The following GPR107 variants were observed in gnomAD, a reference collection of about 807,000 sequenced individuals.
The protein encoded by GPR107 is G protein-coupled receptor 107.
A neutral mutation model predicts 75.5 loss-of-function variants in GPR107; 31 were observed. That is an observed-to-expected ratio of 0.41 (90% CI 0.31 to 0.55). GPR107 has a LOEUF of 0.55. GPR107 is among the 20% of genes least tolerant of loss of function. The pLI, the probability that GPR107 is intolerant of heterozygous loss-of-function variation, is 0.26. For synonymous variants in GPR107, 267 were observed against 251.3 expected (o/e 1.06, Z -0.59); for missense variants, 572 against 665.7 (o/e 0.86, Z 1.55).
chr9:130,095,795 C>A (rs1349120438), intron 9 of GPR107, among the ~76,000 whole-genome samples: 1 of 152,118 alleles, frequency 6.6e-6, no homozygotes, highest in Non-Finnish European at 1.5e-5. Context: ...GGGGGAAGGT[C>A]AGTTAAGTCC....
intron 14 of GPR107, chr9:130,110,275 C>T: frequency 1.3e-6 from 1 of 746,630 alleles, no homozygotes; most frequent in Non-Finnish European, 2.4e-6. Context: ...TCAGCGTTGT[C>T]CCCCAGCATC....
chr9:130,078,240 C>T lies in GPR107; in HGVS notation c.386+862C>T, dbSNP rs75140689. 5.8e-3 allele frequency among the ~76,000 whole-genome samples: 878 copies of T among 152,112 alleles called. 10 individuals are homozygous for T. Among genetic ancestry groups the T allele is most frequent in the Middle Eastern group, 0.017 (5 of 294 alleles). ...TTCAAGTTCAGCATACTTCCAACTG[C>T]GTACTTTGTAATTGCTGAGGGAGCC... On this transcript the variant is annotated intron_variant, in intron 4 of 17. Coordinates refer to ENST00000347136, the MANE Select transcript of GPR107 (RefSeq NM_020960.5).
intron 14 of GPR107, among the ~76,000 whole-genome samples, chr9:130,109,726 C>T (rs917632500): frequency 6.6e-6 from 1 of 151,952 alleles, no homozygotes; most frequent in African/African-American, 2.4e-5. Flanking sequence ...CCCACCACCA[C>T]ACCCAGCTAA....
intron 11 of GPR107, 54 bp from the exon 12 acceptor site, chr9:130,101,052 G>A (rs1831017808): frequency 1.0e-6 from 1 of 969,926 alleles, no homozygotes; most frequent in South Asian, 1.3e-5. Flanking sequence ...AATCTAACTG[G>A]CAGTGAGAGT....
At chr9:130,069,981 C>T (rs950338870) in intron 1 of GPR107, among the ~76,000 whole-genome samples, 2 of 84,030 alleles carry the variant, frequency 2.4e-5, no homozygotes, top group African/African-American at 9.5e-5. Context: ...CCGTGCCTGG[C>T]CTCTTTTTTT....
intron 14 of GPR107, among the ~76,000 whole-genome samples, chr9:130,118,499 A>T (rs932812851): frequency 1.3e-5 from 2 of 152,020 alleles, no homozygotes; most frequent in Non-Finnish European, 2.9e-5. Context: ...TTCCTGCCTC[A>T]GTGGGCACTT....
chr9:130,110,421 G>A lies in GPR107; in HGVS notation c.1306+2882G>A, dbSNP rs868014875. The A allele has an allele frequency of 4.2e-5, 63 of 1,489,886 alleles. 1 individual carries two copies. In the Admixed American group the frequency reaches 1.0e-3, roughly 25 times the overall value. The allele number at this position is 1,489,886 out of a possible 1,614,324, so 92.3% of individuals were successfully genotyped here. A position where few individuals can be genotyped will look rare whatever the true frequency, so the allele number is the denominator to read the frequency against. On this transcript the variant is annotated intron_variant, in intron 14 of 17. Coordinates refer to ENST00000347136, the MANE Select transcript of GPR107 (RefSeq NM_020960.5). ...AGAGCGAATCTAAGAGCAGGAAGTC[G>A]CATAGGTAAACCAGGGTTCACATTC...
intron 7 of GPR107, among the ~76,000 whole-genome samples, chr9:130,089,459 G>A (rs1456196542): frequency 6.6e-6 from 1 of 152,178 alleles, no homozygotes; most frequent in Non-Finnish European, 1.5e-5. Context: ...CTTGGATGGT[G>A]CAGTCCACTC....
intron 1 of GPR107, among the ~76,000 whole-genome samples, chr9:130,074,943 G>A (rs1369482721): frequency 2.0e-5 from 3 of 150,382 alleles, no homozygotes; most frequent in Non-Finnish European, 4.4e-5. Flanking sequence ...GCCAGGCATT[G>A]TACTATCAGG....
chr9:130,077,529 G>C lies in GPR107; in HGVS notation c.386+151G>C, dbSNP rs1440701345. 6.6e-6 allele frequency: 4 copies of C among 609,484 alleles called. No homozygotes were observed. The Admixed American group carries it at 1.1e-4, about 17-fold the overall frequency. 37.8% of individuals were successfully genotyped at this position (609,484 alleles called of 1,614,324 possible). On this transcript the variant is annotated intron_variant, in intron 4 of 17. Coordinates refer to ENST00000347136, the MANE Select transcript of GPR107 (RefSeq NM_020960.5). ...ACAAGGCTAGGGAGACAGAGGTCCTGTCCTTGATGGGAGAGACAGAACGGA... is the reference window on the plus strand; with the variant it reads ...ACAAGGCTAGGGAGACAGAGGTCCTCTCCTTGATGGGAGAGACAGAACGGA...
At chr9:130,066,764 T>A (rs943395911) in intron 1 of GPR107, among the ~76,000 whole-genome samples, 1 of 152,012 alleles carries the variant, frequency 6.6e-6, no homozygotes, top group Non-Finnish European at 1.5e-5. Context: ...GGCAGGCAGA[T>A]CACGAGGTCA....
chr9:130,134,951 C>T (rs1198200070), intron 17 of GPR107, 74 bp from the exon 18 acceptor site: 9 of 826,004 alleles, frequency 1.1e-5, no homozygotes, highest in African/African-American at 3.4e-5. Flanking sequence ...TCCTAATCAC[C>T]GTGCTGTGGC....
intron 1 of GPR107, among the ~76,000 whole-genome samples, chr9:130,066,384 A>G (rs190119467): frequency 2.3e-4 from 17 of 73,560 alleles, no homozygotes; most frequent in African/African-American, 7.1e-4. Context: ...ATGATTGCGC[A>G]TTGATGATGA....
At chr9:130,133,734 G>A (rs1202041731) in intron 17 of GPR107, among the ~76,000 whole-genome samples, 2 of 152,190 alleles carry the variant, frequency 1.3e-5, no homozygotes, top group East Asian at 1.9e-4. Context: ...GCATCTATGG[G>A]ATCTGGCCAC....
intron 14 of GPR107, 24 bp downstream of exon 14, chr9:130,107,563 G>A (rs1282826798): frequency 2.3e-5 from 35 of 1,522,006 alleles, no homozygotes; most frequent in Non-Finnish European, 3.2e-5. Flanking sequence ...TGCTCATTTT[G>A]TGTTGCTCAG....
Position 130,053,986 on chromosome 9 carries a change from C to A in GPR107, c.54C>A (p.Ala18=), listed in dbSNP as rs1443353824. ...GSPASRGPRL[A]AGLRLLPMLG... is the part of the protein sequence containing the mutation. ...CCGCCTCCCGCGGTCCTAGGCTGGC[C>A]GCGGGCCTCCGGCTGCTCCCAATGC... The change falls in exon 1 of 18, where the codon GCC becomes GCA. Residue 18 remains alanine (A), a synonymous_variant. Coordinates refer to ENST00000347136, the MANE Select transcript of GPR107 (RefSeq NM_020960.5). 8 of 1,552,748 alleles carry A rather than the reference C, an allele frequency of 5.2e-6. No individual in the cohort carries two copies. In the African/African-American group the frequency reaches 1.1e-4, roughly 21 times the overall value.
intron 14 of GPR107, among the ~76,000 whole-genome samples, chr9:130,110,006 C>T (rs1213197125): frequency 2.0e-5 from 3 of 152,132 alleles, no homozygotes; most frequent in South Asian, 2.1e-4. Flanking sequence ...TTTTTGTTGG[C>T]GAGGCTTACC....
chr9:130,093,643 A>G (rs1830794498), intron 9 of GPR107, among the ~76,000 whole-genome samples: 1 of 152,124 alleles, frequency 6.6e-6, no homozygotes, highest in Non-Finnish European at 1.5e-5. Context: ...GGAAGGAGCT[A>G]CATAATCATG....
chr9:130,101,485 C>A (rs143108833), intron 12 of GPR107, among the ~76,000 whole-genome samples: 3 of 152,248 alleles, frequency 2.0e-5, no homozygotes, highest in African/African-American at 7.2e-5. Context: ...GGGAGACACA[C>A]AGTAACACAC....
Sources: gnomAD v4.1 joint callset for allele counts (sites outside exome capture counted in the v4.1 genomes callset) on GRCh38, gnomAD v4.1.1 for gene constraint, MANE v1.5 for transcripts, NCBI Gene and HGNC (gene_info 2026-07-23, HGNC 2026-07-21) for gene names.